EFCAB8: variants seen among roughly 807,000 people sequenced by gnomAD.
The protein encoded by EFCAB8 is EF-hand calcium-binding domain-containing protein 8.
Under a neutral mutation model 116.3 loss-of-function variants are expected in EFCAB8, and 100 were observed. The observed-to-expected ratio is 0.86, with a 90% CI of 0.73 to 1.02. The LOEUF (loss-of-function observed/expected upper bound fraction) is 1.02, where lower values mean the gene tolerates loss of function less well. EFCAB8 is among the 50% of genes least tolerant of loss of function. The pLI, the probability that EFCAB8 is intolerant of heterozygous loss-of-function variation, is 0.00. For synonymous variants in EFCAB8, 558 were observed against 567.9 expected (o/e 0.98, Z 0.25); for missense variants, 1,320 against 1,416.9 (o/e 0.93, Z 1.10).
chr20:32,898,998 A>C (rs1270586294), intron 11 of EFCAB8, among the ~76,000 whole-genome samples: 1 of 152,094 alleles, frequency 6.6e-6, no homozygotes, highest in East Asian at 1.9e-4. Flanking sequence ...GTGTTCAGTA[A>C]CTGGCAGCAT....
Position 32,885,368 on chromosome 20 carries a change from G to A in EFCAB8, c.432-137G>A, listed in dbSNP as rs1006298372. 111 of 1,159,890 alleles carry A rather than the reference G, an allele frequency of 9.6e-5. 1 individual carries two copies. The highest frequency in any genetic ancestry group is 1.4e-4 in the African/African-American group (9 of 64,002). 71.8% of individuals were successfully genotyped at this position (1,159,890 alleles called of 1,614,324 possible). On this transcript the variant is annotated intron_variant, in intron 5 of 26. Transcript: ENST00000400522. ...GAAGAGCCAGCTATGGGTTTATGGC[G>A]TGCGCATGTGCGTGCGTGTGCGTGA...
chr20:32,914,952 G>A (rs1031282914), intron 17 of EFCAB8, among the ~76,000 whole-genome samples: 13 of 151,556 alleles, frequency 8.6e-5, no homozygotes, highest in African/African-American at 3.2e-4. Context: ...AGGCTGGACT[G>A]TAGTCATGCG....
At chr20:32,878,569 C>T (rs113652177) in intron 4 of EFCAB8, 135 bp from the exon 5 acceptor site, 4 of 508,168 alleles carry the variant, frequency 7.9e-6, no homozygotes, top group African/African-American at 2.0e-5. Flanking sequence ...GGACTGCGGA[C>T]TGCAGTGGCG....
At chr20:32,864,408 C>T (rs1326348725) in intron 2 of EFCAB8, among the ~76,000 whole-genome samples, 2 of 151,984 alleles carry the variant, frequency 1.3e-5, no homozygotes, top group Non-Finnish European at 2.9e-5. Flanking sequence ...CATAGTGAAA[C>T]CCCATCTCTA....
intron 8 of EFCAB8, among the ~76,000 whole-genome samples, chr20:32,892,884 A>G (rs1448801879): frequency 6.8e-6 from 1 of 146,034 alleles, no homozygotes; most frequent in Non-Finnish European, 1.5e-5. Context: ...TCTGTGTCCC[A>G]GGCTGGAGTG....
intron 11 of EFCAB8, among the ~76,000 whole-genome samples, chr20:32,901,088 C>T (rs1179271207): frequency 4.6e-5 from 7 of 152,214 alleles, no homozygotes; most frequent in Non-Finnish European, 5.9e-5. Flanking sequence ...AAGGGGCCTC[C>T]GGGAATGTCT....
Position 32,898,485 on chromosome 20 carries a change from CTT to C in EFCAB8, c.958-7_958-6del. ...TGGAGTCTCCCACCATTGCTACTGT[CTT>C]CCCAGGCTCTCCATCCCAACTGGTG... On this transcript the variant is annotated splice_region_variant and splice_polypyrimidine_tract_variant and intron_variant, in intron 10 of 26. Transcript: ENST00000400522. 2.8e-6 allele frequency: 2 copies of C among 716,886 alleles called. No individual in the cohort carries two copies. Among genetic ancestry groups the C allele is most frequent in the East Asian group, 5.4e-5 (2 of 37,264 alleles). The allele number at this position is 716,886 out of a possible 1,614,324, so 44.4% of individuals were successfully genotyped here.
At chr20:32,900,888 G>A (rs1209627229) in intron 11 of EFCAB8, among the ~76,000 whole-genome samples, 1 of 152,078 alleles carries the variant, frequency 6.6e-6, no homozygotes, top group Non-Finnish European at 1.5e-5. Context: ...ATTTTTAGTA[G>A]AGATGGGGTT....
chr20:32,923,763 G>A lies in EFCAB8; in HGVS notation c.2412+3548G>A, dbSNP rs539684559. 1.1e-3 allele frequency among the ~76,000 whole-genome samples: 173 copies of A among 152,150 alleles called. No homozygotes were observed. In the South Asian group the frequency reaches 0.013, roughly 12 times the overall value. ...CTCCTCACGGGCATCTCTTCATGAC[G>A]GTGTTTACGGAGCCATGGCATTCCT... On this transcript the variant is annotated intron_variant, in intron 20 of 26. Coordinates refer to ENST00000400522, the MANE Select transcript of EFCAB8 (RefSeq NM_001143967.2).
At chr20:32,940,989 C>G (rs1988390361) in intron 22 of EFCAB8, among the ~76,000 whole-genome samples, 1 of 149,616 alleles carries the variant, frequency 6.7e-6, no homozygotes, top group Admixed American at 6.6e-5. Flanking sequence ...TACGGTGGCT[C>G]AGGCCTGTAA....
chr20:32,948,566 A>AAGAAAGAAAGAAAGAAAG (rs1988690175), intron 23 of EFCAB8, among the ~76,000 whole-genome samples: 1 of 150,184 alleles, frequency 6.7e-6, no homozygotes, highest in African/African-American at 2.5e-5. Context: ...GAAAGAAAGA[A>AAGAAAGAAAGAAAGAAAG]AGAAAGAAAG....
chr20:32,883,883 G>A (rs1465309578), intron 5 of EFCAB8, among the ~76,000 whole-genome samples: 36 of 152,064 alleles, frequency 2.4e-4, no homozygotes. Flanking sequence ...TAGAGATGGG[G>A]TTTCACCACG....
chr20:32,877,207 CTTTT>C (rs757130907), intron 4 of EFCAB8, among the ~76,000 whole-genome samples: 1 of 115,054 alleles, frequency 8.7e-6, no homozygotes, highest in Non-Finnish European at 1.8e-5. Flanking sequence ...TTATTTCTTT[CTTTT>C]TTTTTTTTTT....
chr20:32,906,802 A>C, intron 12 of EFCAB8, 41 bp from the exon 13 acceptor site: 1 of 1,008,506 alleles, frequency 9.9e-7, no homozygotes, highest in South Asian at 1.4e-5. Context: ...GAAGGTCCCC[A>C]GTGGAGGCCC....
intron 1 of EFCAB8, 28 bp downstream of exon 1, chr20:32,859,034 C>T (rs991791777): frequency 6.4e-6 from 3 of 471,044 alleles, no homozygotes; most frequent in Non-Finnish European, 1.3e-5. Context: ...GTGAAAGTTG[C>T]TCTCCAAAAG....
chr20:32,941,699 G>A (rs1988413640), intron 22 of EFCAB8, among the ~76,000 whole-genome samples: 1 of 152,184 alleles, frequency 6.6e-6, no homozygotes, highest in Non-Finnish European at 1.5e-5. Flanking sequence ...CCTGAGGCTG[G>A]GGGAGGGAGT....
chr20:32,867,686 T>G lies in EFCAB8; in HGVS notation c.147T>G (p.Phe49Leu), dbSNP rs2146171702. The G allele has an allele frequency of 1.9e-6, 3 of 1,551,654 alleles. No individual in the cohort carries two copies. The African/African-American group carries it at 4.1e-5, about 21-fold the overall frequency. ...VPDLQPGSQL[F>L]TEIHLAKIEK... ...ACCTCCAGCCTGGGTCCCAGCTGTT[T>G]ACTGAGATACACCTGGCCAAGATAG... Residue 49 changes from phenylalanine (F) to leucine (L), a missense_variant, in exon 3 of 27, where the codon TTT becomes TTG. Coordinates refer to ENST00000400522, the MANE Select transcript of EFCAB8 (RefSeq NM_001143967.2).
At chr20:32,911,743 C>G (rs1415888695) in intron 16 of EFCAB8, 36 bp downstream of exon 16, 1 of 1,543,546 alleles carries the variant, frequency 6.5e-7, no homozygotes, top group Admixed American at 2.0e-5. Context: ...CAGGGACGGC[C>G]TCTTGGGAAG....
chr20:32,891,448 C>T (rs1985909228), intron 7 of EFCAB8, among the ~76,000 whole-genome samples: 1 of 152,118 alleles, frequency 6.6e-6, no homozygotes, highest in African/African-American at 2.4e-5. Context: ...CATCTCCTGA[C>T]CTCAGGTGAT....
Sources: allele counts gnomAD v4.1 joint callset (sites outside exome capture counted in the v4.1 genomes callset), GRCh38; gene constraint gnomAD v4.1.1; transcripts MANE v1.5; gene names NCBI Gene and HGNC (gene_info 2026-07-23, HGNC 2026-07-21).